ICE2: variants seen among roughly 807,000 people sequenced by gnomAD.
The protein encoded by ICE2 is interactor of little elongation complex ELL subunit 2.
A neutral mutation model predicts 105.4 loss-of-function variants in ICE2; 87 were observed. The observed-to-expected ratio is 0.83, with a 90% CI of 0.69 to 0.99. The LOEUF (loss-of-function observed/expected upper bound fraction) is 0.99. Ranked by LOEUF, ICE2 falls within the 50% of genes least tolerant of loss-of-function variation. The pLI, the probability that ICE2 is intolerant of heterozygous loss-of-function variation, is 0.00. For missense variants in ICE2, 1,323 were observed against 1,146.7 expected (o/e 1.15, Z -2.22); for synonymous variants, 399 against 392.0 (o/e 1.02, Z -0.21).
In ICE2 at chr15:60,428,571, C is replaced by T. The variant is rs1411292537; in HGVS notation, c.2678G>A (p.Cys893Tyr). 1 of 1,614,062 alleles carries T rather than the reference C, an allele frequency of 6.2e-7. No homozygotes were observed. The highest frequency in any genetic ancestry group is 1.1e-5 in the South Asian group (1 of 91,074). Residue 893 changes from cysteine (C) to tyrosine (Y), a missense_variant, in exon 15 of 16, where the codon TGC becomes TAC. Physicochemically the swap from Cys to Tyr is radical, Grantham distance 194. Coordinates refer to ENST00000261520, the MANE Select transcript of ICE2 (RefSeq NM_024611.6). ...RTAYNLYKTH[C>Y]GLPGVPSSLS... ...ACTGGAAGGTACACCAGGAAGGCCG[C>T]AATGTGTTTTATACAAATTGTATGC...
chr15:60,462,682 G>C (rs1351871871), intron 5 of ICE2, among the ~76,000 whole-genome samples: 1 of 152,076 alleles, frequency 6.6e-6, no homozygotes, highest in East Asian at 1.9e-4. Flanking sequence ...GCAAGAAAAA[G>C]TGAGCAGGAA....
intron 9 of ICE2, 114 bp downstream of exon 9, chr15:60,453,489 G>C: frequency 6.9e-7 from 1 of 1,459,316 alleles, no homozygotes; most frequent in Non-Finnish European, 9.0e-7. Flanking sequence ...ATTTCAGTTT[G>C]AATCTAAAGC....
At chr15:60,471,225 C>G (rs549831008) in intron 3 of ICE2, among the ~76,000 whole-genome samples, 1 of 152,144 alleles carries the variant, frequency 6.6e-6, no homozygotes, top group South Asian at 2.1e-4. Flanking sequence ...TAGGTTGGCT[C>G]TGAAAATAAC....
chr15:60,430,022 G>C (rs2063421383), intron 14 of ICE2, among the ~76,000 whole-genome samples: 1 of 152,108 alleles, frequency 6.6e-6, no homozygotes, highest in South Asian at 2.1e-4. Flanking sequence ...CAGAATAGTG[G>C]CCTCCTAGAA....
intron 13 of ICE2, among the ~76,000 whole-genome samples, chr15:60,433,798 T>G (rs1206473210): frequency 1.9e-3 from 2 of 1,062 alleles, no homozygotes; most frequent in African/African-American, 2.4e-3. Flanking sequence ...ACCTCCTCCT[T>G]TTTTTTAAAA....
rs1491533898 is a variant in ICE2, at chr15:60,456,564, TAA to T, written c.666+91_666+92del. On this transcript the variant is annotated intron_variant, in intron 6 of 15. Coordinates refer to ENST00000261520, the MANE Select transcript of ICE2 (RefSeq NM_024611.6). ...CCAAAAAAAAAAATAAATAAATAAA[TAA>T]ATATATATATATATATATACACACA... The T allele has an allele frequency of 1.9e-3, 150 of 80,888 alleles. 4 individuals carry two copies. Among genetic ancestry groups the T allele is most frequent in the African/African-American group, 5.0e-3 (123 of 24,724 alleles). The allele number at this position is 80,888 out of a possible 1,614,324, so 5.0% of individuals were successfully genotyped here. A position where few individuals can be genotyped will look rare whatever the true frequency, so the allele number is the denominator to read the frequency against.
intron 1 of ICE2, chr15:60,478,704 G>C: frequency 2.9e-6 from 1 of 341,052 alleles, no homozygotes; most frequent in Non-Finnish European, 5.9e-6. Context: ...GAACGGGCCC[G>C]ACCGGCTCCC....
chr15:60,475,710 T>TA (rs1472871606), intron 3 of ICE2, among the ~76,000 whole-genome samples: 2 of 152,162 alleles, frequency 1.3e-5, no homozygotes, highest in African/African-American at 4.8e-5. Flanking sequence ...GTGTACACGT[T>TA]ATAAACAGTA....
intron 9 of ICE2, chr15:60,451,362 A>T: frequency 1.1e-6 from 1 of 932,356 alleles, no homozygotes; most frequent in Non-Finnish European, 1.3e-6. Flanking sequence ...AGAAAATCTC[A>T]ATATAGACCA....
At chr15:60,433,330 C>A (rs1211527054) in intron 13 of ICE2, among the ~76,000 whole-genome samples, 1 of 151,960 alleles carries the variant, frequency 6.6e-6, no homozygotes, top group Non-Finnish European at 1.5e-5. Flanking sequence ...TCATGATCCA[C>A]CCGCCTCAGC....
intron 3 of ICE2, among the ~76,000 whole-genome samples, 169 bp from the exon 4 acceptor site, chr15:60,468,491 AG>A (rs1333167164): frequency 6.6e-6 from 1 of 152,236 alleles, no homozygotes; most frequent in Non-Finnish European, 1.5e-5. Context: ...CATTTAAAGT[AG>A]ATTAAGTATT....
At chr15:60,433,897 T>C (rs2063520304) in intron 13 of ICE2, among the ~76,000 whole-genome samples, 1 of 152,140 alleles carries the variant, frequency 6.6e-6, no homozygotes, top group African/African-American at 2.4e-5. Context: ...AAAAAAAAGT[T>C]ACTGTTCAAG....
intron 11 of ICE2, 129 bp from the exon 12 acceptor site, chr15:60,442,674 C>T (rs1327116627): frequency 3.0e-6 from 2 of 672,466 alleles, no homozygotes; most frequent in East Asian, 3.0e-5. Flanking sequence ...TCAATTACAG[C>T]AGGATTCACA....
At chr15:60,433,545 G>A (rs894491044) in intron 13 of ICE2, among the ~76,000 whole-genome samples, 5 of 151,342 alleles carry the variant, frequency 3.3e-5, no homozygotes, top group African/African-American at 9.7e-5. Context: ...AGGTTGAAGT[G>A]CGGTGGCACG....
intron 12 of ICE2, chr15:60,442,181 T>C: frequency 2.8e-6 from 1 of 357,314 alleles, no homozygotes; most frequent in Non-Finnish European, 5.0e-6. Context: ...CAGCCCCAGC[T>C]ACTTGGAAGG....
chr15:60,429,238 T>C (rs2063403141), intron 14 of ICE2, among the ~76,000 whole-genome samples: 4 of 152,248 alleles, frequency 2.6e-5, no homozygotes. Flanking sequence ...ATGTTTATTA[T>C]GAGCTAACTA....
chr15:60,469,720 T>C (rs891327439), intron 3 of ICE2, among the ~76,000 whole-genome samples: 2 of 152,224 alleles, frequency 1.3e-5, no homozygotes, highest in Non-Finnish European at 2.9e-5. Flanking sequence ...TAGTTTACCA[T>C]GGCATACATA....
rs558497310 is a variant in ICE2, at chr15:60,462,973, G to A, written c.528+3621C>T. Among the ~76,000 whole-genome samples, 3 of 152,220 alleles carry A rather than the reference G, an allele frequency of 2.0e-5. No individual in the cohort carries two copies. In the East Asian group the frequency reaches 5.8e-4, roughly 29 times the overall value. On this transcript the variant is annotated intron_variant, in intron 5 of 15. Coordinates refer to ENST00000261520, the MANE Select transcript of ICE2 (RefSeq NM_024611.6). Reference sequence around the variant, plus strand: ...TAAATGATTTTCCAAATTTATGATGGTGCCAAACCATTGCAATTTTGTCAC... The same window carrying A: ...TAAATGATTTTCCAAATTTATGATGATGCCAAACCATTGCAATTTTGTCAC...
intron 11 of ICE2, chr15:60,443,152 G>C (rs1324356975): frequency 6.6e-6 from 1 of 152,158 alleles, no homozygotes; most frequent in African/African-American, 2.4e-5. Flanking sequence ...CACTGGTCAG[G>C]ACACTACATA....
Sources: gnomAD v4.1 joint callset for allele counts (sites outside exome capture counted in the v4.1 genomes callset) on GRCh38, gnomAD v4.1.1 for gene constraint, MANE v1.5 for transcripts, NCBI Gene and HGNC (gene_info 2026-07-23, HGNC 2026-07-21) for gene names.